Variants in FRS3 observed in about 807,000 individuals in gnomAD.
FRS3 encodes fibroblast growth factor receptor substrate 3, also known as FGFR substrate 3.
Under a neutral mutation model 41.9 loss-of-function variants are expected in FRS3, and 17 were observed. The observed-to-expected ratio is 0.41, with a 90% confidence interval of 0.28 to 0.61. FRS3 has a LOEUF of 0.61. Ranked by LOEUF, FRS3 falls within the 20% of genes least tolerant of loss-of-function variation. The pLI is 0.36. For missense variants in FRS3, 619 were observed against 672.1 expected, an observed-to-expected ratio of 0.92 and a Z score of 0.87; for synonymous variants, 287 against 274.5, an observed-to-expected ratio of 1.05 and a Z score of -0.45.
rs1184695222 is a variant in FRS3, at chr6:41,770,799, G to A, written c.1299C>T (p.Pro433=). The change falls in exon 7 of 7, where the codon CCC becomes CCT. Residue 433 remains proline (P), a synonymous_variant. Coordinates refer to ENST00000373018, the MANE Select transcript of FRS3 (RefSeq NM_006653.5). ...GGGCTTGGGGGCTCGAGGGGTTCTG[G>A]GGCCCCTTAGGGCGGTCTCCACCCC... The part of the protein sequence containing the change: ...KGWGGDRPKG[P]QNPSSPQAPM... The A allele has an allele frequency of 6.2e-7, 1 of 1,610,872 alleles. No individual in the cohort carries two copies. Among genetic ancestry groups the A allele is most frequent in the Non-Finnish European group, 8.5e-7 (1 of 1,179,078 alleles).
chr6:41,776,055 C>T (rs1010496709), intron 3 of FRS3, among the ~76,000 whole-genome samples: 1 of 152,180 alleles, frequency 6.6e-6, no homozygotes, highest in Non-Finnish European at 1.5e-5. Flanking sequence ...ACCTCCCCAA[C>T]TGTGTGCCCT....
At position 41,770,633 on chromosome 6, in the gene FRS3, C is replaced by A; in HGVS notation, c.1465G>T (p.Asp489Tyr). 2 of 1,614,088 alleles carry A rather than the reference C, an allele frequency of 1.2e-6. No individual in the cohort carries two copies. Among genetic ancestry groups the A allele is most frequent in the Non-Finnish European group, 1.7e-6 (2 of 1,180,016 alleles). The change falls in exon 7 of 7, where the codon GAC (aspartate) becomes TAC (tyrosine). Residue 489 changes from aspartate to tyrosine, a missense_variant. By Grantham distance (160) the Asp-to-Tyr change is radical. Transcript: ENST00000373018. ...TARKTRHNSTDLPL is the reference protein window; with the variant it reads ...TARKTRHNSTYLPL ...CCGGGAAGTCCCTACAGAGGCAGGTCGGTGCTGTTGTGCCGGGTTTTCCTG... is the reference window on the plus strand; with the variant it reads ...CCGGGAAGTCCCTACAGAGGCAGGTAGGTGCTGTTGTGCCGGGTTTTCCTG...
At chr6:41,772,707 G>T in intron 5 of FRS3, 91 bp downstream of exon 5, 1 of 1,428,506 alleles carries the variant, frequency 7.0e-7, no homozygotes, top group Non-Finnish European at 9.5e-7. Flanking sequence ...CTCCCAACCA[G>T]CCAGCTTAAC....
intron 3 of FRS3, 112 bp downstream of exon 3, chr6:41,776,810 C>T: frequency 1.1e-6 from 1 of 914,290 alleles, no homozygotes; most frequent in Non-Finnish European, 1.8e-6. Context: ...AAGCCCACAA[C>T]CTCAGCCTGG....
intron 3 of FRS3, 42 bp downstream of exon 3, chr6:41,776,880 A>G: frequency 6.7e-7 from 1 of 1,484,942 alleles, no homozygotes; most frequent in African/African-American, 1.4e-5. Context: ...TGAGCCCAAG[A>G]GGCCATGTTG....
Position 41,770,819 on chromosome 6 carries a change from C to T in FRS3, c.1279G>A (p.Gly427Arg), listed in dbSNP as rs1458884708. 1 of 1,610,546 alleles carries T rather than the reference C, an allele frequency of 6.2e-7. No individual in the cohort carries two copies. Among genetic ancestry groups the T allele is most frequent in the Non-Finnish European group, 8.5e-7 (1 of 1,179,432 alleles). The change falls in exon 7 of 7, where the codon GGA becomes AGA. Residue 427 changes from glycine to arginine, a missense_variant. Gly to Arg is a moderately radical substitution (Grantham distance 125). Transcript: ENST00000373018. ...TTCTGGGGCCCCTTAGGGCGGTCTC[C>T]ACCCCAGCCCTTTAGCTCCACCTGG... ...YIQVELKGWG[G>R]DRPKGPQNPS...
At position 41,770,482 on chromosome 6, in the gene FRS3, C is replaced by G; in HGVS notation, c.*137G>C. ...ATATCTCTGGGGACTCCAGCCAGCACAGGGAAGCATCTGGTCCCACCTCCA... is the reference window on the plus strand; with the variant it reads ...ATATCTCTGGGGACTCCAGCCAGCAGAGGGAAGCATCTGGTCCCACCTCCA... On this transcript the variant is annotated 3_prime_UTR_variant, in exon 7 of 7. Transcript: ENST00000373018. 2.6e-6 allele frequency: 2 copies of G among 760,188 alleles called. 1 individual carries two copies. Among genetic ancestry groups the G allele is most frequent in the South Asian group, 3.5e-5 (2 of 57,720 alleles). 47.1% of individuals were successfully genotyped at this position (760,188 alleles called of 1,614,324 possible). A position where few individuals can be genotyped will look rare whatever the true frequency, so the allele number is the denominator to read the frequency against.
chr6:41,771,600 G>A, intron 6 of FRS3, 67 bp from the exon 7 acceptor site: 1 of 1,342,330 alleles, frequency 7.4e-7, no homozygotes, highest in Non-Finnish European at 1.0e-6. Context: ...AGAAGGGACA[G>A]GATGAGAGAA....
rs1772297620 is a variant in FRS3, at chr6:41,771,667, G to A, written c.565-134C>T. The A allele has an allele frequency of 3.5e-6, 4 of 1,148,804 alleles. No homozygotes were observed. In the Admixed American group the frequency reaches 1.0e-4, roughly 29 times the overall value. The allele number at this position is 1,148,804 out of a possible 1,614,324, so 71.2% of individuals were successfully genotyped here. A position where few individuals can be genotyped will look rare whatever the true frequency, so the allele number is the denominator to read the frequency against. ...TTCTTCCTTGTCCTCCAACCCTTCT[G>A]AGGAAGCTGCTCCCTTTTGGGGACA... On this transcript the variant is annotated intron_variant, in intron 6 of 6. Transcript: ENST00000373018.
At chr6:41,774,665 T>C (rs943337781) in intron 4 of FRS3, among the ~76,000 whole-genome samples, 1 of 152,152 alleles carries the variant, frequency 6.6e-6, no homozygotes, top group Non-Finnish European at 1.5e-5. Flanking sequence ...TGGGCCAGCA[T>C]GGACTCCTCT....
At chr6:41,777,230 T>TG (rs1406099472) in intron 2 of FRS3, among the ~76,000 whole-genome samples, 1 of 152,286 alleles carries the variant, frequency 6.6e-6, no homozygotes, top group East Asian at 1.9e-4. Flanking sequence ...TGAATGCCGA[T>TG]GGGGGGCTGG....
At chr6:41,775,267 C>T (rs1772384913) in intron 4 of FRS3, 152 bp downstream of exon 4, 7 of 611,850 alleles carry the variant, frequency 1.1e-5, no homozygotes, top group Non-Finnish European at 1.6e-5. Context: ...ACCTACCACC[C>T]CTGACCTCTG....
In FRS3 at chr6:41,770,533, C is replaced by G; in HGVS notation, c.*86G>C. On this transcript the variant is annotated 3_prime_UTR_variant, in exon 7 of 7. Coordinates refer to ENST00000373018, the MANE Select transcript of FRS3 (RefSeq NM_006653.5). ...TGCCTTCTGCAAAGCAACCCTGAAC[C>G]CTGGGGAGGGTGGGTTCAGAGGACA... The G allele has an allele frequency of 1.4e-6, 2 of 1,399,112 alleles. No individual in the cohort carries two copies. Among genetic ancestry groups the G allele is most frequent in the South Asian group, 2.4e-5 (2 of 84,612 alleles). The allele number at this position is 1,399,112 out of a possible 1,614,324, so 86.7% of individuals were successfully genotyped here.
intron 3 of FRS3, 147 bp downstream of exon 3, chr6:41,776,775 G>C: frequency 1.4e-6 from 1 of 702,624 alleles, no homozygotes; most frequent in Admixed American, 2.2e-5. Context: ...CTACTTGAGA[G>C]GGTGTGAGCT....
At chr6:41,771,782 C>T (rs772663812) in intron 6 of FRS3, 34 bp downstream of exon 6, 116 of 1,545,490 alleles carry the variant, frequency 7.5e-5, no homozygotes, top group Non-Finnish European at 9.3e-5. Context: ...CCACCCAGAC[C>T]AACAGGGCAG....
In FRS3 at chr6:41,772,893, C is replaced by T. The variant is rs764812166; in HGVS notation, c.320G>A (p.Cys107Tyr). The change falls in exon 5 of 7, where the codon TGC (cysteine) becomes TAC (tyrosine). Residue 107 changes from cysteine (C) to tyrosine (Y), a missense_variant. Around this residue, in one of 3 missense-constraint regions of FRS3, gnomAD observed 487 missense variants for 478.3 expected, o/e 1.02. Transcript: ENST00000373018. ...CTCTTCCATCACATTGATGCTGTTG[C>T]ACTGCATCAGATCCTGAAGGAGGTT... is the stretch of plus-strand genomic sequence containing the variant. ...IFNLLQDLMQ[C>Y]NSINVMEEPV... 6 of 1,612,070 alleles carry T rather than the reference C, an allele frequency of 3.7e-6. No homozygotes were observed. Among genetic ancestry groups the T allele is most frequent in the Non-Finnish European group, 4.2e-6 (5 of 1,178,380 alleles).
intron 2 of FRS3, 58 bp from the exon 3 acceptor site, chr6:41,777,068 C>A: frequency 1.6e-6 from 2 of 1,274,492 alleles, no homozygotes; most frequent in South Asian, 1.2e-5. Flanking sequence ...AAACCCTGCT[C>A]TGGGGAACTT....
At chr6:41,773,765 A>G (rs1229483969) in intron 4 of FRS3, among the ~76,000 whole-genome samples, 1 of 151,380 alleles carries the variant, frequency 6.6e-6, no homozygotes, top group Non-Finnish European at 1.5e-5. Flanking sequence ...CCAACTACTC[A>G]GGAGGCTGAG....
In FRS3 at chr6:41,775,562, A is replaced by G. The variant is rs1581971068; in HGVS notation, c.110T>C (p.Val37Ala). 1 of 1,613,876 alleles carries G rather than the reference A, an allele frequency of 6.2e-7. No individual in the cohort carries two copies. The highest frequency in any genetic ancestry group is 1.1e-5 in the South Asian group (1 of 91,080). ...DDEGVELGSG[V>A]MELTQSELVL... ...CAGCTCACTCTGCGTCAGCTCCATCACCCCAGAGCCCAGCTCCACCCCCTC... is the reference window on the plus strand; with the variant it reads ...CAGCTCACTCTGCGTCAGCTCCATCGCCCCAGAGCCCAGCTCCACCCCCTC... Residue 37 changes from valine (V) to alanine (A), a missense_variant, in exon 4 of 7, where the codon GTG becomes GCG. This residue lies in a region of FRS3 where 100 missense variants were observed against 138.1 expected (regional missense o/e 0.72). Coordinates refer to ENST00000373018, the MANE Select transcript of FRS3 (RefSeq NM_006653.5).
Sources: allele counts gnomAD v4.1 joint callset (sites outside exome capture counted in the v4.1 genomes callset), GRCh38; gene constraint gnomAD v4.1.1; regional missense constraint gnomAD v4.1.1; transcripts MANE v1.5; gene names NCBI Gene and HGNC (gene_info 2026-07-23, HGNC 2026-07-21).